Variants in OR51B5 observed in about 807,000 individuals in gnomAD.
OR51B5 encodes the protein olfactory receptor 51B5.
For synonymous variants in OR51B5, 186 were observed against 144.8 expected (o/e 1.28, Z -2.04); for missense variants, 456 against 374.6 (o/e 1.22, Z -1.79).
chr11:5,489,170 G>C (rs764257994), intron 1 of OR51B5: 1 of 1,613,544 alleles, frequency 6.2e-7, no homozygotes, highest in Non-Finnish European at 8.5e-7. Flanking sequence ...CTATTCCGTA[G>C]TGTGGCTATT....
At chr11:5,386,401 G>T (rs958107271) in intron 1 of OR51B5, among the ~76,000 whole-genome samples, 1 of 152,134 alleles carries the variant, frequency 6.6e-6, no homozygotes, top group Non-Finnish European at 1.5e-5. Context: ...GCCTTGGGAT[G>T]ATTGTTTACC....
chr11:5,413,773 T>A (rs898422006), intron 1 of OR51B5, among the ~76,000 whole-genome samples: 21 of 151,822 alleles, frequency 1.4e-4, no homozygotes, highest in Admixed American at 5.9e-4. Flanking sequence ...CCAAGAAATA[T>A]GGGACTATGT....
intron 1 of OR51B5, chr11:5,390,225 T>A (rs1242751276): frequency 6.2e-7 from 1 of 1,614,006 alleles, no homozygotes; most frequent in Non-Finnish European, 8.5e-7. Context: ...GTGCACCGTT[T>A]TGGGAAGCAT....
intron 1 of OR51B5, among the ~76,000 whole-genome samples, chr11:5,411,954 C>A (rs1418278914): frequency 6.6e-6 from 1 of 152,152 alleles, no homozygotes; most frequent in Non-Finnish European, 1.5e-5. Context: ...GTGGTCCAGC[C>A]AATCTCTTGA....
chr11:5,418,021 T>C (rs1245252929), intron 1 of OR51B5, among the ~76,000 whole-genome samples: 38 of 47,360 alleles, frequency 8.0e-4, no homozygotes, highest in Non-Finnish European at 2.3e-3. Context: ...AAATGTCCAA[T>C]AATGATAGAC....
At chr11:5,499,750 GAC>G (rs1851692917) in intron 1 of OR51B5, among the ~76,000 whole-genome samples, 1 of 152,038 alleles carries the variant, frequency 6.6e-6, no homozygotes, top group South Asian at 2.1e-4. Flanking sequence ...GTACTGTTAT[GAC>G]ACAAGTCTAA....
At chr11:5,413,028 G>C (rs957790296) in intron 1 of OR51B5, among the ~76,000 whole-genome samples, 1 of 52,560 alleles carries the variant, frequency 1.9e-5, no homozygotes, top group African/African-American at 4.4e-5. Flanking sequence ...CTTACTGGGA[G>C]GCACCCCCCA....
chr11:5,356,321 T>G lies in OR51B5; in HGVS notation n.85-9411A>C, dbSNP rs187863114. 3.9e-3 allele frequency among the ~76,000 whole-genome samples: 593 copies of G among 151,864 alleles called. 2 individuals carry two copies. The highest frequency in any genetic ancestry group is 0.01 in the African/African-American group (423 of 41,350). Reference sequence around the variant, plus strand: ...TGAAAACCAAGGCATGAGAACTACATGATGAATGCACAAGACTCAGTAGCT... The same window carrying G: ...TGAAAACCAAGGCATGAGAACTACAGGATGAATGCACAAGACTCAGTAGCT... On this transcript the variant is annotated intron_variant and non_coding_transcript_variant, in intron 1 of 4. Coordinates refer to the OR51B5 transcript ENST00000415970.
At chr11:5,420,103 T>C (rs561998548) in intron 1 of OR51B5, among the ~76,000 whole-genome samples, 147 of 152,112 alleles carry the variant, frequency 9.7e-4, no homozygotes, top group African/African-American at 3.4e-3. Context: ...CTTTCTACTC[T>C]TTTGTTATTA....
intron 1 of OR51B5, chr11:5,455,402 A>G (rs564359205): frequency 6.6e-6 from 1 of 150,396 alleles, no homozygotes; most frequent in Non-Finnish European, 1.5e-5. Context: ...TATGGTTTAG[A>G]TACCAGAAAA....
chr11:5,427,608 T>A (rs1482877233), intron 1 of OR51B5, among the ~76,000 whole-genome samples: 1 of 152,146 alleles, frequency 6.6e-6, no homozygotes, highest in African/African-American at 2.4e-5. Context: ...GTGACGACAA[T>A]CCAGTAGGAA....
chr11:5,470,203 G>A (rs1239470339), intron 1 of OR51B5, among the ~76,000 whole-genome samples: 1 of 152,164 alleles, frequency 6.6e-6, no homozygotes, highest in African/African-American at 2.4e-5. Context: ...ATCAGCATGT[G>A]TTTAAACTCA....
intron 1 of OR51B5, among the ~76,000 whole-genome samples, chr11:5,480,106 A>C (rs1359946392): frequency 6.6e-6 from 1 of 152,204 alleles, no homozygotes; most frequent in Non-Finnish European, 1.5e-5. Context: ...CGTACTTGGA[A>C]GTAAAGCTCT....
At chr11:5,375,562 A>G (rs1440799442) in intron 1 of OR51B5, among the ~76,000 whole-genome samples, 1 of 152,190 alleles carries the variant, frequency 6.6e-6, no homozygotes, top group East Asian at 1.9e-4. Flanking sequence ...TATTCAGGAA[A>G]CCCATCTCAT....
At chr11:5,374,388 A>G (rs1849491582) in intron 1 of OR51B5, among the ~76,000 whole-genome samples, 1 of 152,188 alleles carries the variant, frequency 6.6e-6, no homozygotes, top group Non-Finnish European at 1.5e-5. Flanking sequence ...GGGAAAAAAC[A>G]GAGCAGAAAA....
At chr11:5,386,082 A>G (rs902975044) in intron 1 of OR51B5, among the ~76,000 whole-genome samples, 2 of 152,222 alleles carry the variant, frequency 1.3e-5, no homozygotes, top group East Asian at 3.9e-4. Flanking sequence ...AAGTCAGGAG[A>G]GATTTGACAG....
At chr11:5,354,355 G>A (rs1478325095) in intron 1 of OR51B5, among the ~76,000 whole-genome samples, 3 of 152,194 alleles carry the variant, frequency 2.0e-5, no homozygotes, top group African/African-American at 7.2e-5. Flanking sequence ...AAGATAACTA[G>A]GATAACAATA....
At chr11:5,478,238 C>T (rs1243748729) in intron 1 of OR51B5, among the ~76,000 whole-genome samples, 1 of 152,032 alleles carries the variant, frequency 6.6e-6, no homozygotes, top group African/African-American at 2.4e-5. Context: ...GAGGCACCCC[C>T]CAGCAGGGGC....
intron 1 of OR51B5, chr11:5,389,739 T>G (rs1272567461): frequency 6.2e-7 from 1 of 1,613,990 alleles, no homozygotes; most frequent in South Asian, 1.1e-5. Context: ...ATCCAGATGT[T>G]CTGCATCCAC....
Sources: allele counts gnomAD v4.1 joint callset (sites outside exome capture counted in the v4.1 genomes callset), GRCh38; gene constraint gnomAD v4.1.1; transcripts MANE v1.5; gene names NCBI Gene and HGNC (gene_info 2026-07-23, HGNC 2026-07-21).